EHD4: variants seen among roughly 807,000 people sequenced by gnomAD.
EHD4 encodes the protein EH domain containing 4.
EHD4 carries 37 observed loss-of-function variants against 51.0 expected under a neutral mutation model. The ratio of observed to expected loss-of-function variants is 0.73; its 90% CI spans 0.56 to 0.95. The LOEUF (loss-of-function observed/expected upper bound fraction) is 0.95. Ranked by LOEUF, EHD4 falls within the 40% of genes least tolerant of loss-of-function variation. EHD4 has a pLI of 0.00. For synonymous variants in EHD4, 297 were observed against 317.3 expected, an observed-to-expected ratio of 0.94 and a Z score of 0.68; for missense variants, 632 against 733.1, an observed-to-expected ratio of 0.86 and a Z score of 1.59.
intron 1 of EHD4, among the ~76,000 whole-genome samples, chr15:41,968,227 G>A (rs2067973248): frequency 6.6e-6 from 1 of 152,120 alleles, no homozygotes; most frequent in South Asian, 2.1e-4. Context: ...CCTTGCACAT[G>A]CACCCCTGCC....
chr15:41,925,475 C>T (rs1404861374), intron 3 of EHD4, among the ~76,000 whole-genome samples: 1 of 152,188 alleles, frequency 6.6e-6, no homozygotes, highest in Non-Finnish European at 1.5e-5. Flanking sequence ...ACGATCTGGA[C>T]CTATGTGTGT....
intron 2 of EHD4, among the ~76,000 whole-genome samples, chr15:41,944,077 A>G (rs1340122084): frequency 6.6e-6 from 1 of 152,190 alleles, no homozygotes; most frequent in Non-Finnish European, 1.5e-5. Context: ...GTGCGGAGGA[A>G]AAATCTAGCC....
At chr15:41,935,547 T>C (rs1446601622) in intron 3 of EHD4, among the ~76,000 whole-genome samples, 1 of 152,202 alleles carries the variant, frequency 6.6e-6, no homozygotes, top group East Asian at 1.9e-4. Context: ...AAATAGGAGA[T>C]TTGATGTTGC....
intron 1 of EHD4, among the ~76,000 whole-genome samples, chr15:41,962,949 G>GA (rs2067935533): frequency 6.6e-6 from 1 of 152,248 alleles, no homozygotes. Context: ...TCTGTACTAA[G>GA]AAAAATTCTT....
chr15:41,900,483 A>G lies in EHD4; in HGVS notation c.*162T>C. 1.4e-6 allele frequency: 1 copy of G among 698,928 alleles called. No homozygotes were observed. The highest frequency in any genetic ancestry group is 2.1e-5 in the South Asian group (1 of 48,756). The allele number at this position is 698,928 out of a possible 1,614,324, so 43.3% of individuals were successfully genotyped here. ...AAACTAAGGGAATTTTGGAGGTGAA[A>G]GAAGTCATCTAGTTTCCAGTGTCCA... On this transcript the variant is annotated 3_prime_UTR_variant, in exon 6 of 6. Coordinates refer to ENST00000220325, the MANE Select transcript of EHD4 (RefSeq NM_139265.4). The surrounding 1 kb of genome is among the most constrained non-coding windows in gnomAD (Gnocchi z 4.8).
intron 5 of EHD4, 101 bp from the exon 6 acceptor site, chr15:41,901,282 C>T (rs984323169): frequency 3.1e-6 from 4 of 1,277,412 alleles, no homozygotes; most frequent in Non-Finnish European, 4.2e-6. Context: ...AGGCAGACGT[C>T]CCACCCACTA....
chr15:41,940,909 A>G (rs746377204), intron 3 of EHD4, among the ~76,000 whole-genome samples: 1 of 152,188 alleles, frequency 6.6e-6, no homozygotes, highest in Non-Finnish European at 1.5e-5. Flanking sequence ...ATATGGTGGG[A>G]GCCAAAATCC....
At chr15:41,921,932 G>A (rs2067628349) in intron 3 of EHD4, among the ~76,000 whole-genome samples, 1 of 152,196 alleles carries the variant, frequency 6.6e-6, no homozygotes, top group Non-Finnish European at 1.5e-5. Context: ...GAAATGACAC[G>A]AAGACACAGT....
At chr15:41,963,937 AG>A (rs2067944332) in intron 1 of EHD4, among the ~76,000 whole-genome samples, 1 of 151,930 alleles carries the variant, frequency 6.6e-6, no homozygotes, top group African/African-American at 2.4e-5. Flanking sequence ...TGAAGTCAGG[AG>A]ATCGAGACCA....
chr15:41,959,839 G>A lies in EHD4; in HGVS notation c.237-5899C>T, dbSNP rs1443941993. 4.6e-5 allele frequency among the ~76,000 whole-genome samples: 7 copies of A among 152,046 alleles called. No individual in the cohort carries two copies. In the East Asian group the frequency reaches 1.4e-3, roughly 29 times the overall value. ...ACAAAAATTAGCCGGGCGTGGTGGT[G>A]CGCACCTGTAATCCCAGCTACTCGG... On this transcript the variant is annotated intron_variant, in intron 1 of 5. Coordinates refer to ENST00000220325, the MANE Select transcript of EHD4 (RefSeq NM_139265.4).
chr15:41,920,998 G>A (rs2067621474), intron 3 of EHD4, among the ~76,000 whole-genome samples: 2 of 152,282 alleles, frequency 1.3e-5, no homozygotes, highest in South Asian at 4.1e-4. Context: ...TAATCTATTA[G>A]GTGAAAATAA....
At chr15:41,967,894 G>C (rs935341736) in intron 1 of EHD4, among the ~76,000 whole-genome samples, 2 of 152,190 alleles carry the variant, frequency 1.3e-5, no homozygotes, top group African/African-American at 2.4e-5. Context: ...TCATCCATGT[G>C]TCCGGCCAGA....
intron 5 of EHD4, among the ~76,000 whole-genome samples, chr15:41,906,671 GC>G (rs1269697116): frequency 6.6e-6 from 1 of 152,222 alleles, no homozygotes; most frequent in Admixed American, 6.5e-5. Context: ...CTAACATGAT[GC>G]ACAACTAAAA....
At chr15:41,930,138 C>G (rs189171832) in intron 3 of EHD4, among the ~76,000 whole-genome samples, 1 of 152,174 alleles carries the variant, frequency 6.6e-6, no homozygotes, top group Non-Finnish European at 1.5e-5. Flanking sequence ...AAGAAACTAT[C>G]TGAGGAAGGG....
chr15:41,914,942 C>G (rs1298990509), intron 4 of EHD4, among the ~76,000 whole-genome samples: 1 of 152,050 alleles, frequency 6.6e-6, no homozygotes, highest in African/African-American at 2.4e-5. Flanking sequence ...CCCACCTCCA[C>G]GCCCAGCTAA....
chr15:41,944,812 A>C (rs942390250), intron 2 of EHD4, among the ~76,000 whole-genome samples: 1 of 152,206 alleles, frequency 6.6e-6, no homozygotes, highest in Non-Finnish European at 1.5e-5. Context: ...TAAAAACCTC[A>C]TAACATTAAA....
chr15:41,909,875 T>A lies in EHD4; in HGVS notation c.925-12A>T, dbSNP rs772618529. On this transcript the variant is annotated splice_polypyrimidine_tract_variant and intron_variant, in intron 4 of 5. Transcript: ENST00000220325. ...ATGTAGGCATGCACCTGGAGGGGTA[T>A]AGATCAGGCAGGGAAGTGTCATTTA... 6.2e-7 allele frequency: 1 copy of A among 1,613,980 alleles called. No homozygotes were observed. The highest frequency in any genetic ancestry group is 1.1e-5 in the South Asian group (1 of 91,062).
chr15:41,943,796 C>T (rs2067793300), intron 2 of EHD4, among the ~76,000 whole-genome samples: 1 of 152,226 alleles, frequency 6.6e-6, no homozygotes, highest in Admixed American at 6.5e-5. Flanking sequence ...CCTGTTTCCC[C>T]ATCTGATGCC....
intron 3 of EHD4, among the ~76,000 whole-genome samples, chr15:41,930,230 G>T (rs1271847107): frequency 6.7e-6 from 1 of 149,592 alleles, no homozygotes; most frequent in African/African-American, 2.6e-5. Context: ...AGGATGAACA[G>T]ATCCAGGAAT....
Sources: gnomAD v4.1 joint callset for allele counts (sites outside exome capture counted in the v4.1 genomes callset) on GRCh38, gnomAD v4.1.1 for gene constraint, Gnocchi (gnomAD v3.1) non-coding constraint, MANE v1.5 for transcripts, NCBI Gene and HGNC (gene_info 2026-07-23, HGNC 2026-07-21) for gene names.